The following MOCS2 variants were observed in gnomAD, a reference collection of about 807,000 sequenced individuals.
MOCS2 encodes the protein molybdopterin synthase catalytic subunit.
Under a neutral mutation model 21.9 loss-of-function variants are expected in MOCS2, and 13 were observed. The ratio of observed to expected loss-of-function variants is 0.59; its 90% CI spans 0.39 to 0.94. MOCS2 has a LOEUF of 0.94. Among genes scored for constraint, MOCS2 ranks in the 40% least tolerant of loss-of-function variants. The pLI is 0.00. For synonymous variants in MOCS2, 92 were observed against 80.8 expected, an observed-to-expected ratio of 1.14 and a Z score of -0.74; for missense variants, 227 against 218.3, an observed-to-expected ratio of 1.04 and a Z score of -0.25.
Position 53,109,238 on chromosome 5 carries a change from G to A in MOCS2, c.-170+13C>T, listed in dbSNP as rs960633764. ...CCTGGTATGTAAGGGATCCGACGAA[G>A]TAAAATAGGCACCTGTCACTCCGTG... On this transcript the variant is annotated intron_variant, in intron 1 of 6. Coordinates refer to ENST00000396954, the MANE Select transcript of MOCS2 (RefSeq NM_004531.5). 2.1e-5 allele frequency: 21 copies of A among 982,982 alleles called. No homozygotes were observed. The highest frequency in any genetic ancestry group is 2.3e-5 in the Non-Finnish European group (19 of 826,298). 60.9% of individuals were successfully genotyped at this position (982,982 alleles called of 1,614,324 possible).
At chr5:53,105,772 A>C (rs1741033970) in intron 3 of MOCS2, among the ~76,000 whole-genome samples, 1 of 152,254 alleles carries the variant, frequency 6.6e-6, no homozygotes, top group African/African-American at 2.4e-5. Context: ...AAAGGAAACT[A>C]TCAACAGAGT....
chr5:53,109,560 CG>C lies in MOCS2; in HGVS notation c.-480del. 1 of 1,200,856 alleles carries C rather than the reference CG, an allele frequency of 8.3e-7. No homozygotes were observed. The highest frequency in any genetic ancestry group is 1.1e-6 in the Non-Finnish European group (1 of 901,668). 74.4% of individuals were successfully genotyped at this position (1,200,856 alleles called of 1,614,324 possible). On this transcript the variant is annotated 5_prime_UTR_variant, in exon 1 of 7. Transcript: ENST00000396954. ...GACAGGAAGGGCCCGGGGGCGGGGGCGGGGGCGCCCCCGAACCCAAGACGCC... is the reference window on the plus strand; with the variant it reads ...GACAGGAAGGGCCCGGGGGCGGGGGCGGGGCGCCCCCGAACCCAAGACGCC...
In MOCS2 at chr5:53,095,864, C is replaced by T. The variant is rs1366000324; in HGVS notation, c.*2738G>A. ...TTTATTCTACATCACTTGTTAAAAA[C>T]TACAAATTGCATTTTCAAAAACTCC... On this transcript the variant is annotated 3_prime_UTR_variant, in exon 7 of 7. Coordinates refer to ENST00000396954, the MANE Select transcript of MOCS2 (RefSeq NM_004531.5). 6.6e-6 allele frequency: 1 copy of T among 152,102 alleles called. No homozygotes were observed. The highest frequency in any genetic ancestry group is 1.5e-5 in the Non-Finnish European group (1 of 68,012). The allele number at this position is 152,102 out of a possible 1,614,324, so 9.4% of individuals were successfully genotyped here.
intron 2 of MOCS2, chr5:53,107,971 C>T (rs1309907256): frequency 6.5e-6 from 1 of 153,290 alleles, no homozygotes; most frequent in Non-Finnish European, 1.4e-5. Context: ...CATTAATATT[C>T]CTGAATCACC....
Position 53,097,752 on chromosome 5 carries a change from C to T in MOCS2, c.*850G>A, listed in dbSNP as rs945861159. The T allele has an allele frequency of 2.0e-5, 3 of 152,032 alleles. No homozygotes were observed. Among genetic ancestry groups the T allele is most frequent in the Non-Finnish European group, 2.9e-5 (2 of 67,992 alleles). The allele number at this position is 152,032 out of a possible 1,614,324, so 9.4% of individuals were successfully genotyped here. ...TACTTTAAATACATACAATTTTTGT[C>T]AAGTATACCTAAATAAAGCTGGAAA... On this transcript the variant is annotated 3_prime_UTR_variant, in exon 7 of 7. Coordinates refer to ENST00000396954, the MANE Select transcript of MOCS2 (RefSeq NM_004531.5).
At chr5:53,100,661 G>A (rs1579932171) in intron 5 of MOCS2, 127 bp from the exon 6 acceptor site, 19 of 980,112 alleles carry the variant, frequency 1.9e-5, no homozygotes, top group Admixed American at 4.3e-5. Flanking sequence ...TCTATTTTAC[G>A]TAAACATACA....
chr5:53,098,273 A>G lies in MOCS2; in HGVS notation c.*329T>C, dbSNP rs1164340029. 1 of 296,568 alleles carries G rather than the reference A, an allele frequency of 3.4e-6. No homozygotes were observed. Among genetic ancestry groups the G allele is most frequent in the East Asian group, 7.2e-5 (1 of 13,844 alleles). The allele number at this position is 296,568 out of a possible 1,614,324, so 18.4% of individuals were successfully genotyped here. ...GGGGGAGTACGTTTCTGAGCTAGTT[A>G]AAGTCACTGAGGAGGGCCCATACCT... On this transcript the variant is annotated 3_prime_UTR_variant, in exon 7 of 7. Coordinates refer to ENST00000396954, the MANE Select transcript of MOCS2 (RefSeq NM_004531.5).
At position 53,096,073 on chromosome 5, in the gene MOCS2, CT is replaced by C. The variant is rs1191166864; in HGVS notation, c.*2528del. 1 of 152,192 alleles carries C rather than the reference CT, an allele frequency of 6.6e-6. No homozygotes were observed. Among genetic ancestry groups the C allele is most frequent in the African/African-American group, 2.4e-5 (1 of 41,434 alleles). 9.4% of individuals were successfully genotyped at this position (152,192 alleles called of 1,614,324 possible). On this transcript the variant is annotated 3_prime_UTR_variant, in exon 7 of 7. Coordinates refer to ENST00000396954, the MANE Select transcript of MOCS2 (RefSeq NM_004531.5). ...TTAAATCTAAGTAAGACTCAAGTTG[CT>C]AAGAGCAACTTTACTATAACTTTTA...
rs1411579597 is a variant in MOCS2 at position 53,109,708 on chromosome 5, T to G, written c.-627A>C. 6.4e-7 allele frequency: 1 copy of G among 1,553,350 alleles called. No individual in the cohort carries two copies. The highest frequency in any genetic ancestry group is 1.2e-5 in the South Asian group (1 of 84,158). The stretch of plus-strand genomic sequence containing the variant: ...AGGCCCGCACGCACACCCGCCACCC[T>G]TACCTGGCACAGCGGCACCATCCCG... On this transcript the variant is annotated 5_prime_UTR_variant, in exon 1 of 7. Coordinates refer to ENST00000396954, the MANE Select transcript of MOCS2 (RefSeq NM_004531.5).
At position 53,098,266 on chromosome 5, in the gene MOCS2, GC is replaced by G. The variant is rs1371354998; in HGVS notation, c.*335del. 1.7e-5 allele frequency: 5 copies of G among 285,864 alleles called. No homozygotes were observed. Among genetic ancestry groups the G allele is most frequent in the Non-Finnish European group, 2.7e-5 (4 of 150,460 alleles). The allele number at this position is 285,864 out of a possible 1,614,324, so 17.7% of individuals were successfully genotyped here. ...GGTTGGTGGGGGAGTACGTTTCTGA[GC>G]TAGTTAAAGTCACTGAGGAGGGCCC... On this transcript the variant is annotated 3_prime_UTR_variant, in exon 7 of 7. Coordinates refer to ENST00000396954, the MANE Select transcript of MOCS2 (RefSeq NM_004531.5).
chr5:53,102,323 T>C (rs1740936715), intron 3 of MOCS2, 99 bp from the exon 4 acceptor site: 3 of 1,218,676 alleles, frequency 2.5e-6, no homozygotes, highest in African/African-American at 3.0e-5. Context: ...CTACATTATG[T>C]CGATGTAAAA....
At chr5:53,104,597 T>G (rs1426243584) in intron 3 of MOCS2, among the ~76,000 whole-genome samples, 2 of 152,158 alleles carry the variant, frequency 1.3e-5, no homozygotes, top group Non-Finnish European at 2.9e-5. Flanking sequence ...TGACAAGAGA[T>G]TCTTCTATTA....
At chr5:53,101,974 T>C in intron 4 of MOCS2, 123 bp downstream of exon 4, 3 of 992,934 alleles carry the variant, frequency 3.0e-6, no homozygotes, top group Non-Finnish European at 4.6e-6. Context: ...CTACCCACCA[T>C]CATCGGTAAT....
chr5:53,100,574 C>A, intron 5 of MOCS2, 40 bp from the exon 6 acceptor site: 2 of 1,608,970 alleles, frequency 1.2e-6, no homozygotes, highest in South Asian at 2.2e-5. Context: ...ACCATCATCT[C>A]TGAATCTACG....
chr5:53,104,753 C>A (rs1320101313), intron 3 of MOCS2, among the ~76,000 whole-genome samples: 1 of 152,138 alleles, frequency 6.6e-6, no homozygotes, highest in Non-Finnish European at 1.5e-5. Flanking sequence ...GCATCCTTGG[C>A]TTGCTCCTTT....
Position 53,096,200 on chromosome 5 carries a change from G to A in MOCS2, c.*2402C>T, listed in dbSNP as rs1340471723. ...TCACTGTACCAGGTGCTCAGTAACT[G>A]TGTAAGATGTCTAAATCACTTATTT... is the stretch of plus-strand genomic sequence containing the variant. On this transcript the variant is annotated 3_prime_UTR_variant, in exon 7 of 7. Coordinates refer to ENST00000396954, the MANE Select transcript of MOCS2 (RefSeq NM_004531.5). 1.3e-5 allele frequency: 2 copies of A among 152,154 alleles called. No individual in the cohort carries two copies. The highest frequency in any genetic ancestry group is 2.4e-5 in the African/African-American group (1 of 41,428). 9.4% of individuals were successfully genotyped at this position (152,154 alleles called of 1,614,324 possible). A position where few individuals can be genotyped will look rare whatever the true frequency, so the allele number is the denominator to read the frequency against.
intron 4 of MOCS2, 80 bp downstream of exon 4, chr5:53,102,017 C>G: frequency 3.4e-6 from 5 of 1,465,778 alleles, no homozygotes; most frequent in Non-Finnish European, 4.7e-6. Flanking sequence ...CAAACTCCTC[C>G]GTTAACACTG....
intron 3 of MOCS2, among the ~76,000 whole-genome samples, chr5:53,102,655 A>G (rs944904315): frequency 7.2e-6 from 1 of 138,766 alleles, no homozygotes; most frequent in African/African-American, 2.7e-5. Flanking sequence ...AGCCCTCATA[A>G]TAAGTGGCTT....
intron 1 of MOCS2, 45 bp from the exon 2 acceptor site, chr5:53,108,688 TCTGA>T (rs758311888): frequency 1.8e-5 from 29 of 1,595,890 alleles, no homozygotes; most frequent in Middle Eastern, 1.7e-4. Flanking sequence ...ATACTCGTTT[TCTGA>T]CTGTCAATGT....
Sources: allele counts gnomAD v4.1 joint callset (sites outside exome capture counted in the v4.1 genomes callset), GRCh38; gene constraint gnomAD v4.1.1; transcripts MANE v1.5; gene names NCBI Gene and HGNC (gene_info 2026-07-23, HGNC 2026-07-21).